Variants in PLCE1 observed in about 807,000 individuals in gnomAD.
PLCE1 encodes phospholipase C epsilon 1, also known as 1-phosphatidylinositol 4,5-bisphosphate phosphodiesterase epsilon-1.
Under a neutral mutation model 242.8 loss-of-function variants are expected in PLCE1, and 119 were observed. That is an observed-to-expected ratio of 0.49 (90% CI 0.42 to 0.57). The LOEUF (loss-of-function observed/expected upper bound fraction) is 0.57. Among genes scored for constraint, PLCE1 ranks in the 20% least tolerant of loss-of-function variants. The pLI, the probability that PLCE1 is intolerant of heterozygous loss-of-function variation, is 0.00. For missense variants in PLCE1, 2,441 were observed against 2,788.8 expected (o/e 0.88, Z 2.81); for synonymous variants, 945 against 1,017.4 (o/e 0.93, Z 1.35).
chr10:94,257,079 C>T (rs1051232999), intron 11 of PLCE1, among the ~76,000 whole-genome samples: 2 of 152,110 alleles, frequency 1.3e-5, no homozygotes, highest in African/African-American at 4.8e-5. Context: ...GGATCGACAA[C>T]CTACAACCTA....
At chr10:94,056,121 CAGTT>C (rs556683564) in intron 2 of PLCE1, among the ~76,000 whole-genome samples, 1 of 152,150 alleles carries the variant, frequency 6.6e-6, no homozygotes, top group South Asian at 2.1e-4. Flanking sequence ...TTTTCTGTGT[CAGTT>C]TGTTTGAATT....
chr10:94,099,036 C>T (rs533214527), intron 2 of PLCE1, among the ~76,000 whole-genome samples: 1 of 152,274 alleles, frequency 6.6e-6, no homozygotes, highest in African/African-American at 2.4e-5. Flanking sequence ...GAGCTTATCA[C>T]GAATTTGGAA....
chr10:94,170,979 C>A (rs1368333940), intron 3 of PLCE1, among the ~76,000 whole-genome samples: 1 of 152,172 alleles, frequency 6.6e-6, no homozygotes, highest in Non-Finnish European at 1.5e-5. Flanking sequence ...CGCCACTCCA[C>A]CCCCACCTCA....
chr10:94,321,661 G>C (rs2053808465), intron 29 of PLCE1, among the ~76,000 whole-genome samples: 1 of 150,720 alleles, frequency 6.6e-6, no homozygotes, highest in African/African-American at 2.4e-5. Context: ...CAGCTAATAG[G>C]AGCAGATAAA....
chr10:94,050,241 C>T (rs1270706162), intron 2 of PLCE1, among the ~76,000 whole-genome samples: 1 of 152,062 alleles, frequency 6.6e-6, no homozygotes, highest in East Asian at 1.9e-4. Context: ...CTGCAGAGGG[C>T]TTAGGAAACT....
rs2047357299 is a variant in PLCE1, at chr10:94,154,169, CAT to C, written c.1493-17006_1493-17005del. ...CACAGAGCCCAAAAATAAACCCTAA[CAT>C]ATATGGTCAAATAATTTTCAACAAA... On this transcript the variant is annotated intron_variant, in intron 3 of 32. Coordinates refer to ENST00000371380, the MANE Select transcript of PLCE1 (RefSeq NM_016341.4). 2.6e-5 allele frequency among the ~76,000 whole-genome samples: 4 copies of C among 152,112 alleles called. No homozygotes were observed. The East Asian group carries it at 7.7e-4, about 29-fold the overall frequency.
intron 24 of PLCE1, among the ~76,000 whole-genome samples, chr10:94,302,436 G>A (rs999040606): frequency 6.6e-6 from 1 of 152,092 alleles, no homozygotes; most frequent in Non-Finnish European, 1.5e-5. Context: ...TAGCTTTAGA[G>A]TTTTGGCTTT....
At chr10:94,255,912 ACACTCTCTCTCTCTCTCTCTCT>A (rs1344897458) in intron 11 of PLCE1, among the ~76,000 whole-genome samples, 2 of 86,962 alleles carry the variant, frequency 2.3e-5, no homozygotes, top group African/African-American at 9.4e-5. Flanking sequence ...ACACACACAC[ACACTCTCTCTCTCTCTCTCTCT>A]CTCTCTCTCT....
chr10:94,304,683 T>C, intron 25 of PLCE1, 38 bp downstream of exon 25: 2 of 1,604,864 alleles, frequency 1.2e-6, no homozygotes, highest in Non-Finnish European at 1.7e-6. Context: ...TAAGGTCGGG[T>C]TTAAGCCTTC....
At chr10:94,284,068 C>T (rs1476280963) in intron 21 of PLCE1, among the ~76,000 whole-genome samples, 157 bp downstream of exon 21, 1 of 152,168 alleles carries the variant, frequency 6.6e-6, no homozygotes, top group East Asian at 1.9e-4. Flanking sequence ...TAAAAGACAC[C>T]CACCTTCCAT....
chr10:94,021,104 T>A (rs2061368847), intron 1 of PLCE1, among the ~76,000 whole-genome samples: 2 of 152,176 alleles, frequency 1.3e-5, no homozygotes, highest in Non-Finnish European at 2.9e-5. Flanking sequence ...GTGATGGGAT[T>A]ACAGGCATGA....
chr10:94,181,952 T>C (rs904912348), intron 4 of PLCE1, among the ~76,000 whole-genome samples: 1 of 152,068 alleles, frequency 6.6e-6, no homozygotes, highest in Non-Finnish European at 1.5e-5. Context: ...AAAACATAAC[T>C]TCACGAGATA....
At position 94,171,393 on chromosome 10, in the gene PLCE1, A is replaced by G; in HGVS notation, c.1706A>G (p.Gln569Arg). 1 of 1,614,168 alleles carries G rather than the reference A, an allele frequency of 6.2e-7. No individual in the cohort carries two copies. The highest frequency in any genetic ancestry group is 8.5e-7 in the Non-Finnish European group (1 of 1,179,980). Reference sequence around the variant, plus strand: ...CGGGACTTGGGCACTCCTGAATGCCAGAGCTCCTTGCCCTGCCTCAAAGCA... The same window carrying G: ...CGGGACTTGGGCACTCCTGAATGCCGGAGCTCCTTGCCCTGCCTCAAAGCA... ...LTRDLGTPEC[Q>R]SSLPCLKASI... The change falls in exon 4 of 33, where the codon CAG becomes CGG. Residue 569 changes from glutamine to arginine, a missense_variant. Physicochemically the swap from Gln to Arg is conservative, Grantham distance 43. Coordinates refer to ENST00000371380, the MANE Select transcript of PLCE1 (RefSeq NM_016341.4).
chr10:94,234,393 G>A, intron 6 of PLCE1, 81 bp downstream of exon 6: 2 of 1,404,472 alleles, frequency 1.4e-6, no homozygotes, highest in Admixed American at 1.7e-5. Context: ...GCTCACCAAA[G>A]AAATGATCAC....
chr10:94,088,424 C>G (rs1384642990), intron 2 of PLCE1, among the ~76,000 whole-genome samples: 2 of 152,148 alleles, frequency 1.3e-5, no homozygotes, highest in Non-Finnish European at 2.9e-5. Context: ...AGACTTTTAC[C>G]CCTCCCTTCA....
chr10:94,171,344 G>A lies in PLCE1; in HGVS notation c.1657G>A (p.Val553Ile), dbSNP rs370540250. Residue 553 changes from valine to isoleucine, a missense_variant, in exon 4 of 33, where the codon GTC becomes ATC. Val to Ile is a conservative substitution (Grantham distance 29). Coordinates refer to ENST00000371380, the MANE Select transcript of PLCE1 (RefSeq NM_016341.4). ...GACTATTTACCGCAGGGTCTTGCCAGTCGACTACCTTTGCTTCTTAACACG... is the reference window on the plus strand; with the variant it reads ...GACTATTTACCGCAGGGTCTTGCCAATCGACTACCTTTGCTTCTTAACACG... The part of the protein sequence containing the change: ...EQTIYRRVLP[V>I]DYLCFLTRDL... The A allele has an allele frequency of 5.0e-6, 8 of 1,614,196 alleles. No individual in the cohort carries two copies. The highest frequency in any genetic ancestry group is 2.2e-5 in the South Asian group (2 of 91,080).
intron 4 of PLCE1, among the ~76,000 whole-genome samples, chr10:94,220,856 C>T (rs924600041): frequency 2.0e-5 from 3 of 152,200 alleles, no homozygotes; most frequent in Non-Finnish European, 4.4e-5. Flanking sequence ...CTCAGGGGCA[C>T]GCACAGGAAA....
intron 2 of PLCE1, among the ~76,000 whole-genome samples, chr10:94,046,607 T>C (rs2061889474): frequency 1.3e-5 from 2 of 152,196 alleles, no homozygotes; most frequent in Non-Finnish European, 2.9e-5. Context: ...TTTCCTGCCC[T>C]GTGCCTGGAT....
intron 2 of PLCE1, among the ~76,000 whole-genome samples, chr10:94,092,761 A>G (rs2045129319): frequency 6.6e-6 from 1 of 151,750 alleles, no homozygotes; most frequent in Non-Finnish European, 1.5e-5. Context: ...AAAAAGGTTC[A>G]CACATAATTT....
Sources: gnomAD v4.1 joint callset for allele counts (sites outside exome capture counted in the v4.1 genomes callset) on GRCh38, gnomAD v4.1.1 for gene constraint, MANE v1.5 for transcripts, NCBI Gene and HGNC (gene_info 2026-07-23, HGNC 2026-07-21) for gene names.